ZNF12: variants seen among roughly 807,000 people sequenced by gnomAD.
The protein encoded by ZNF12 is zinc finger protein 12.
Under a neutral mutation model 66.6 loss-of-function variants are expected in ZNF12, and 34 were observed. The observed-to-expected ratio is 0.51, with a 90% confidence interval of 0.39 to 0.68. The LOEUF is 0.68. Ranked by LOEUF, ZNF12 falls within the 30% of genes least tolerant of loss-of-function variation. ZNF12 has a pLI of 0.00. For missense variants in ZNF12, 697 were observed against 826.9 expected (o/e 0.84, Z 1.93); for synonymous variants, 320 against 278.9 (o/e 1.15, Z -1.47).
Position 6,690,413 on chromosome 7 carries a change from C to G in ZNF12, c.*435G>C, listed in dbSNP as rs1780046945. On this transcript the variant is annotated 3_prime_UTR_variant, in exon 5 of 5. Coordinates refer to ENST00000405858, the MANE Select transcript of ZNF12 (RefSeq NM_016265.4). ...GATGACTTTACAGTTTCTATTTACA[C>G]AAGAAGTATGTTTATTCACAGCAGG... The G allele has an allele frequency of 6.5e-6, 1 of 153,608 alleles. No homozygotes were observed. Among genetic ancestry groups the G allele is most frequent in the African/African-American group, 2.4e-5 (1 of 41,324 alleles). The allele number at this position is 153,608 out of a possible 1,614,324, so 9.5% of individuals were successfully genotyped here.
chr7:6,693,711 T>A (rs1013779321), intron 4 of ZNF12, among the ~76,000 whole-genome samples: 5 of 152,230 alleles, frequency 3.3e-5, no homozygotes, highest in Non-Finnish European at 5.9e-5. Context: ...GAGCAGCATC[T>A]GGCACAAAAC....
Position 6,689,439 on chromosome 7 carries a change from G to A in ZNF12, c.*1409C>T, listed in dbSNP as rs1439086896. The A allele has an allele frequency of 6.6e-6, 1 of 152,216 alleles. No homozygotes were observed. The highest frequency in any genetic ancestry group is 2.4e-5 in the African/African-American group (1 of 41,454). 9.4% of individuals were successfully genotyped at this position (152,216 alleles called of 1,614,324 possible). A position where few individuals can be genotyped will look rare whatever the true frequency, so the allele number is the denominator to read the frequency against. ...AGGTATATCCTTTGTTTTATGTCTAGAATTGGGCCCTGTGACCACTGTAAA... is the reference window on the plus strand; with the variant it reads ...AGGTATATCCTTTGTTTTATGTCTAAAATTGGGCCCTGTGACCACTGTAAA... On this transcript the variant is annotated 3_prime_UTR_variant, in exon 5 of 5. Transcript: ENST00000405858.
In ZNF12 at chr7:6,691,387, T is replaced by C; in HGVS notation, c.1555A>G (p.Lys519Glu). 2.5e-6 allele frequency: 4 copies of C among 1,614,034 alleles called. No homozygotes were observed. Among genetic ancestry groups the C allele is most frequent in the Non-Finnish European group, 3.4e-6 (4 of 1,179,902 alleles). The change falls in exon 5 of 5, where the codon AAA becomes GAA. Residue 519 changes from lysine to glutamate, a missense_variant. Lys to Glu is a moderately conservative substitution (Grantham distance 56). Around this residue, in one of 3 missense-constraint regions of ZNF12, gnomAD observed 401 missense variants for 519.0 expected, o/e 0.77. Coordinates refer to ENST00000405858, the MANE Select transcript of ZNF12 (RefSeq NM_016265.4). Reference protein sequence around the residue: ...TIHHRTHSGVKPYECSECGKT... With the variant: ...TIHHRTHSGVEPYECSECGKT... The stretch of plus-strand genomic sequence containing the variant: ...CCACATTCACTACATTCATAGGGTT[T>C]TACTCCTGAATGAGTTCTATGATGG...
intron 4 of ZNF12, among the ~76,000 whole-genome samples, chr7:6,695,618 T>C (rs995078785): frequency 4.6e-5 from 7 of 152,220 alleles, no homozygotes; most frequent in Non-Finnish European, 8.8e-5. Flanking sequence ...GAAATATCTC[T>C]CTCTGTTACA....
In ZNF12 at chr7:6,696,054, G is replaced by C. The variant is rs1780149361; in HGVS notation, c.238+1285C>G. Among the ~76,000 whole-genome samples the C allele has an allele frequency of 6.6e-6, 1 of 152,182 alleles. No homozygotes were observed. The highest frequency in any genetic ancestry group is 2.1e-4 in the South Asian group (1 of 4,834). ...GGACAAGGAATTAAAATTCCCTTTA[G>C]GAAGTAAAATGTAACCAACTATAGG... On this transcript the variant is annotated intron_variant, in intron 4 of 4. Transcript: ENST00000405858. This position sits in a 1 kb window ranked among gnomAD's most constrained non-coding sequence, Gnocchi z 4.0.
At position 6,691,512 on chromosome 7, in the gene ZNF12, T is replaced by C. The variant is rs1424136549; in HGVS notation, c.1430A>G (p.Asn477Ser). 1.9e-6 allele frequency: 3 copies of C among 1,614,044 alleles called. No homozygotes were observed. Among genetic ancestry groups the C allele is most frequent in the Admixed American group, 1.7e-5 (1 of 60,018 alleles). ...TCTCTGATGTCTCATGAGGGCTGAATTCAGGTAGAAGGTTTTTCCACATTC... is the reference window on the plus strand; with the variant it reads ...TCTCTGATGTCTCATGAGGGCTGAACTCAGGTAGAAGGTTTTTCCACATTC... ...CNECGKTFYL[N>S]SALMRHQRVH... The change falls in exon 5 of 5, where the codon AAT (asparagine) becomes AGT (serine). Residue 477 changes from asparagine (N) to serine (S), a missense_variant. Physicochemically the swap from Asn to Ser is conservative, Grantham distance 46 (BLOSUM62 1). Around this residue, in one of 3 missense-constraint regions of ZNF12, gnomAD observed 401 missense variants for 519.0 expected, o/e 0.77. Coordinates refer to ENST00000405858, the MANE Select transcript of ZNF12 (RefSeq NM_016265.4).
chr7:6,690,701 T>C lies in ZNF12; in HGVS notation c.*147A>G, dbSNP rs1297002978. 1 of 774,726 alleles carries C rather than the reference T, an allele frequency of 1.3e-6. No homozygotes were observed. Among genetic ancestry groups the C allele is most frequent in the East Asian group, 2.7e-5 (1 of 36,858 alleles). 48.0% of individuals were successfully genotyped at this position (774,726 alleles called of 1,614,324 possible). Reference sequence around the variant, plus strand: ...TGTTATAATCATGGTTTCCATTCTGTGAGTCTTCAGATTATGAGTCCAACA... The same window carrying C: ...TGTTATAATCATGGTTTCCATTCTGCGAGTCTTCAGATTATGAGTCCAACA... On this transcript the variant is annotated 3_prime_UTR_variant, in exon 5 of 5. Coordinates refer to ENST00000405858, the MANE Select transcript of ZNF12 (RefSeq NM_016265.4).
Position 6,691,204 on chromosome 7 carries a change from T to C in ZNF12, c.1738A>G (p.Ser580Gly). ...TGGCAGAAGGTTTTCCCACATTCAC[T>C]ACATTCATAGGGCTTCTCTCCTGAA... is the stretch of plus-strand genomic sequence containing the variant. Reference protein sequence around the residue: ...IHSGEKPYECSECGKTFCQNS... With the variant: ...IHSGEKPYECGECGKTFCQNS... The change falls in exon 5 of 5, where the codon AGT becomes GGT. Residue 580 changes from serine (S) to glycine (G), a missense_variant. Ser to Gly is a moderately conservative substitution (Grantham distance 56). Coordinates refer to ENST00000405858, the MANE Select transcript of ZNF12 (RefSeq NM_016265.4). 1 of 1,614,132 alleles carries C rather than the reference T, an allele frequency of 6.2e-7. No individual in the cohort carries two copies. Among genetic ancestry groups the C allele is most frequent in the Non-Finnish European group, 8.5e-7 (1 of 1,180,002 alleles).
rs560467361 is a variant in ZNF12 at position 6,697,601 on chromosome 7, G to A, written c.142+84C>T. The A allele has an allele frequency of 1.3e-5, 20 of 1,588,430 alleles. No homozygotes were observed. Among genetic ancestry groups the A allele is most frequent in the Admixed American group, 1.7e-5 (1 of 58,832 alleles). ...GCCCAAAAACAGATTACTCACATTC[G>A]TCCCATCAAATTTTAAGTTAAAGTC... On this transcript the variant is annotated intron_variant, in intron 3 of 4. Coordinates refer to ENST00000405858, the MANE Select transcript of ZNF12 (RefSeq NM_016265.4). The surrounding 1 kb of genome is among the most constrained non-coding windows in gnomAD (Gnocchi z 6.1).
Position 6,697,875 on chromosome 7 carries a change from C to T in ZNF12, c.16-64G>A, listed in dbSNP as rs1780176382. ...TAGGCACATAGGTACAAGATCTTAG[C>T]ATGCTCACTGGCAAAATTAACCATG... On this transcript the variant is annotated intron_variant, in intron 2 of 4. Coordinates refer to ENST00000405858, the MANE Select transcript of ZNF12 (RefSeq NM_016265.4). This position sits in a 1 kb window ranked among gnomAD's most constrained non-coding sequence, Gnocchi z 6.1. 1.3e-6 allele frequency: 2 copies of T among 1,595,642 alleles called. No homozygotes were observed. Among genetic ancestry groups the T allele is most frequent in the Non-Finnish European group, 1.7e-6 (2 of 1,164,518 alleles).
chr7:6,706,467 C>A lies in ZNF12; in HGVS notation c.-86G>T, dbSNP rs13239758. The A allele has an allele frequency of 0.097, 46,230 of 477,446 alleles. 2,589 individuals carry two copies. The highest frequency in any genetic ancestry group is 0.16 in the Middle Eastern group (402 of 2,536). The allele number at this position is 477,446 out of a possible 1,614,324, so 29.6% of individuals were successfully genotyped here. On this transcript the variant is annotated 5_prime_UTR_variant, in exon 1 of 5. Coordinates refer to ENST00000405858, the MANE Select transcript of ZNF12 (RefSeq NM_016265.4). ...CTCCGCAGCCTCTGCCCCACCGCTC[C>A]CGACAGGCCGGGGCGGGATTGCTGT... is the stretch of plus-strand genomic sequence containing the variant.
rs1780187482 is a variant in ZNF12, at chr7:6,698,561, T to A, written c.16-750A>T. ...ACAATTACCAAAATAACAAACAGGC[T>A]GGGCAACACACATTCTAGTTTTTAT... is the stretch of plus-strand genomic sequence containing the variant. On this transcript the variant is annotated intron_variant, in intron 2 of 4. Transcript: ENST00000405858. This position sits in a 1 kb window ranked among gnomAD's most constrained non-coding sequence, Gnocchi z 4.4. 6.6e-6 allele frequency among the ~76,000 whole-genome samples: 1 copy of A among 152,218 alleles called. No individual in the cohort carries two copies. The highest frequency in any genetic ancestry group is 2.1e-4 in the South Asian group (1 of 4,830).
In ZNF12 at chr7:6,688,984, T is replaced by G. The variant is rs1378043726; in HGVS notation, c.*1864A>C. 6.6e-6 allele frequency: 1 copy of G among 152,584 alleles called. No homozygotes were observed. The highest frequency in any genetic ancestry group is 2.4e-5 in the African/African-American group (1 of 41,462). The allele number at this position is 152,584 out of a possible 1,614,324, so 9.5% of individuals were successfully genotyped here. A position where few individuals can be genotyped will look rare whatever the true frequency, so the allele number is the denominator to read the frequency against. The stretch of plus-strand genomic sequence containing the variant: ...TCAAGTTGATTTCTAATGCTCAAAC[T>G]ATTTACGTCAAAATTTACAGAAAAT... On this transcript the variant is annotated 3_prime_UTR_variant, in exon 5 of 5. Coordinates refer to ENST00000405858, the MANE Select transcript of ZNF12 (RefSeq NM_016265.4). The surrounding 1 kb of genome is among the most constrained non-coding windows in gnomAD (Gnocchi z 4.3).
In ZNF12 at chr7:6,704,869, G is replaced by T. The variant is rs539349682; in HGVS notation, c.15+290C>A. 6.6e-5 allele frequency among the ~76,000 whole-genome samples: 10 copies of T among 150,918 alleles called. No individual in the cohort carries two copies. The South Asian group carries it at 1.7e-3, about 26-fold the overall frequency. ...TTAAAATTCATGCAAAAACAAAAGT[G>T]ATTCTGCTTACGGTCAATGTAAGTC... On this transcript the variant is annotated intron_variant, in intron 2 of 4. Transcript: ENST00000405858.
intron 2 of ZNF12, among the ~76,000 whole-genome samples, chr7:6,703,039 TACACACACAC>T (rs10548883): frequency 7.5e-6 from 1 of 133,618 alleles, no homozygotes; most frequent in African/African-American, 2.8e-5. Flanking sequence ...GCTCCCAAAC[TACACACACAC>T]ACACACACAC....
rs13224671 is a variant in ZNF12, at chr7:6,696,701, C to T, written c.238+638G>A. ...TGCCATGACAGGGTATCATTCAAGG[C>T]ATTGGGAACAGAACAGAAAATAAGA... On this transcript the variant is annotated intron_variant, in intron 4 of 4. Coordinates refer to ENST00000405858, the MANE Select transcript of ZNF12 (RefSeq NM_016265.4). The surrounding 1 kb of genome is among the most constrained non-coding windows in gnomAD (Gnocchi z 4.0). 0.043 allele frequency among the ~76,000 whole-genome samples: 6,615 copies of T among 152,164 alleles called. 184 individuals carry two copies. The highest frequency in any genetic ancestry group is 0.063 in the Non-Finnish European group (4,272 of 68,002).
intron 2 of ZNF12, among the ~76,000 whole-genome samples, chr7:6,700,145 C>T (rs941954644): frequency 4.0e-5 from 6 of 151,624 alleles, no homozygotes; most frequent in Admixed American, 1.3e-4. Context: ...ATTAGCCGGG[C>T]GTGGTGGCAG....
In ZNF12 at chr7:6,697,285, C is replaced by T; in HGVS notation, c.238+54G>A. 7.1e-7 allele frequency: 1 copy of T among 1,417,150 alleles called. No homozygotes were observed. Among genetic ancestry groups the T allele is most frequent in the Admixed American group, 2.0e-5 (1 of 48,870 alleles). 87.8% of individuals were successfully genotyped at this position (1,417,150 alleles called of 1,614,324 possible). On this transcript the variant is annotated intron_variant, in intron 4 of 4. Coordinates refer to ENST00000405858, the MANE Select transcript of ZNF12 (RefSeq NM_016265.4). The surrounding 1 kb of genome is among the most constrained non-coding windows in gnomAD (Gnocchi z 6.1). ...AAAGGTTCGGGACCATTAAAAAATC[C>T]CTGGGAAAAACACTCCCAAGTTACC...
Position 6,691,973 on chromosome 7 carries a change from C to T in ZNF12, c.969G>A (p.Lys323=). ...TVHQRTHTGE[K]PYECNECGKN... ...TCCCACATTCATTACATTCATAGGG[C>T]TTCTCCCCTGTGTGTGTTCTCTGAT... The change falls in exon 5 of 5, where the codon AAG becomes AAA. Residue 323 remains lysine, a synonymous_variant. Coordinates refer to ENST00000405858, the MANE Select transcript of ZNF12 (RefSeq NM_016265.4). 1 of 1,613,838 alleles carries T rather than the reference C, an allele frequency of 6.2e-7. No homozygotes were observed. The highest frequency in any genetic ancestry group is 1.3e-5 in the African/African-American group (1 of 74,952).
Sources: gnomAD v4.1 joint callset for allele counts (sites outside exome capture counted in the v4.1 genomes callset) on GRCh38, gnomAD v4.1.1 for gene constraint, gnomAD v4.1.1 regional missense constraint, Gnocchi (gnomAD v3.1) non-coding constraint, MANE v1.5 for transcripts, NCBI Gene and HGNC (gene_info 2026-07-23, HGNC 2026-07-21) for gene names.